Variants in SASS6 observed in about 807,000 individuals in gnomAD.
The protein encoded by SASS6 is SAS-6 centriolar assembly protein.
In SASS6, 59 loss-of-function variants were observed where a neutral mutation model predicts 94.9. The ratio of observed to expected loss-of-function variants is 0.62; its 90% CI spans 0.50 to 0.77. The LOEUF (loss-of-function observed/expected upper bound fraction) is 0.77. Ranked by LOEUF, SASS6 falls within the 30% of genes least tolerant of loss-of-function variation. The pLI, the probability that SASS6 is intolerant of heterozygous loss-of-function variation, is 0.00. For synonymous variants in SASS6, 264 were observed against 270.0 expected, an observed-to-expected ratio of 0.98 and a Z score of 0.22; for missense variants, 698 against 734.1, an observed-to-expected ratio of 0.95 and a Z score of 0.57.
intron 14 of SASS6, among the ~76,000 whole-genome samples, chr1:100,088,771 G>A (rs1346270522): frequency 4.6e-5 from 7 of 151,430 alleles, no homozygotes; most frequent in Non-Finnish European, 1.0e-4. Flanking sequence ...GGAGTTTGGG[G>A]TTACAGTGAG....
At position 100,119,151 on chromosome 1, in the gene SASS6, T is replaced by G. The variant is rs750061360; in HGVS notation, c.550-14A>C. On this transcript the variant is annotated splice_polypyrimidine_tract_variant and intron_variant, in intron 6 of 16. Transcript: ENST00000287482. ...TTCTGCTAATGTCTACATTAGAGTT[T>G]AACACAAAATATTAAGATAGGCTCC... The G allele has an allele frequency of 2.1e-6, 3 of 1,412,934 alleles. No individual in the cohort carries two copies. The highest frequency in any genetic ancestry group is 2.9e-6 in the Non-Finnish European group (3 of 1,032,244). 87.5% of individuals were successfully genotyped at this position (1,412,934 alleles called of 1,614,324 possible).
intron 2 of SASS6, among the ~76,000 whole-genome samples, chr1:100,125,085 T>C (rs374761102): frequency 2.6e-5 from 4 of 152,116 alleles, no homozygotes; most frequent in African/African-American, 7.2e-5. Context: ...ACTCACACTT[T>C]TGAAGGTTAT....
Position 100,107,806 on chromosome 1 carries a change from A to T in SASS6, c.1056+4T>A, listed in dbSNP as rs759920795. 6.3e-7 allele frequency: 1 copy of T among 1,593,952 alleles called. No individual in the cohort carries two copies. Among genetic ancestry groups the T allele is most frequent in the Non-Finnish European group, 8.6e-7 (1 of 1,165,588 alleles). ...CAATTTCTGAGAAAAATTTAAAAGTAGACCTTTTGTTCCTGGATTGTATCA... is the reference window on the plus strand; with the variant it reads ...CAATTTCTGAGAAAAATTTAAAAGTTGACCTTTTGTTCCTGGATTGTATCA... On this transcript the variant is annotated splice_donor_region_variant and intron_variant, in intron 9 of 16. Transcript: ENST00000287482.
chr1:100,095,277 C>T (rs1050039103), intron 14 of SASS6, among the ~76,000 whole-genome samples: 3 of 152,194 alleles, frequency 2.0e-5, no homozygotes, highest in Non-Finnish European at 4.4e-5. Flanking sequence ...CCTGTAATCC[C>T]AGCACTTTTT....
intron 14 of SASS6, among the ~76,000 whole-genome samples, chr1:100,088,835 TAAA>T (rs72345602): frequency 7.1e-5 from 6 of 83,932 alleles, no homozygotes; most frequent in Admixed American, 2.5e-4. Flanking sequence ...ACCCTGTCTA[TAAA>T]AAAAAAAAAA....
chr1:100,089,317 A>G (rs1041702107), intron 14 of SASS6, among the ~76,000 whole-genome samples: 1 of 152,108 alleles, frequency 6.6e-6, no homozygotes, highest in Non-Finnish European at 1.5e-5. Context: ...ACACCAAAAA[A>G]GAGAACAAAA....
chr1:100,132,917 C>A lies in SASS6; in HGVS notation c.-103G>T, dbSNP rs1356224333. The A allele has an allele frequency of 2.5e-6, 3 of 1,179,976 alleles. No homozygotes were observed. Among genetic ancestry groups the A allele is most frequent in the East Asian group, 2.3e-5 (1 of 42,708 alleles). The allele number at this position is 1,179,976 out of a possible 1,614,324, so 73.1% of individuals were successfully genotyped here. On this transcript the variant is annotated 5_prime_UTR_variant, in exon 1 of 17. Transcript: ENST00000287482. ...CCTGATAAAGTTTGAGTTTGGCGCTCGGCTTCTGCGGAGGAGGCGGGGAGG... is the reference window on the plus strand; with the variant it reads ...CCTGATAAAGTTTGAGTTTGGCGCTAGGCTTCTGCGGAGGAGGCGGGGAGG...
At chr1:100,090,319 C>T (rs1353384426) in intron 14 of SASS6, among the ~76,000 whole-genome samples, 1 of 151,900 alleles carries the variant, frequency 6.6e-6, no homozygotes, top group Non-Finnish European at 1.5e-5. Context: ...CATTTAAAGA[C>T]ACAGGCTGGA....
Position 100,116,110 on chromosome 1 carries a change from G to C in SASS6, c.669+2908C>G, listed in dbSNP as rs1653784137. ...ATTCAAATTAAAAAAACTATATACG[G>C]CAAAAGATGCTGGCAAATGACAGGC... On this transcript the variant is annotated intron_variant, in intron 7 of 16. Coordinates refer to ENST00000287482, the MANE Select transcript of SASS6 (RefSeq NM_194292.3). Among the ~76,000 whole-genome samples, 4 of 152,080 alleles carry C rather than the reference G, an allele frequency of 2.6e-5. No individual in the cohort carries two copies. In the South Asian group the frequency reaches 8.3e-4, roughly 32 times the overall value.
intron 14 of SASS6, among the ~76,000 whole-genome samples, chr1:100,096,193 G>C (rs1363505776): frequency 6.6e-6 from 1 of 152,150 alleles, no homozygotes; most frequent in Non-Finnish European, 1.5e-5. Flanking sequence ...GCACAGGATA[G>C]GCATAAAAAT....
intron 1 of SASS6, among the ~76,000 whole-genome samples, chr1:100,129,732 TTC>T (rs1557898008): frequency 6.6e-6 from 1 of 152,196 alleles, no homozygotes; most frequent in Non-Finnish European, 1.5e-5. Context: ...ATCAGGTATA[TTC>T]AGAAGGTAAC....
chr1:100,088,084 T>C (rs1651431281), intron 15 of SASS6, 55 bp downstream of exon 15: 2 of 913,588 alleles, frequency 2.2e-6, no homozygotes, highest in South Asian at 2.7e-5. Context: ...ATAAAAATTC[T>C]GTAAGATGGC....
At chr1:100,102,812 T>C in intron 14 of SASS6, 143 bp downstream of exon 14, 1 of 608,306 alleles carries the variant, frequency 1.6e-6, no homozygotes, top group African/African-American at 1.8e-5. Context: ...ATACTAGATA[T>C]TCAGTAATGT....
rs145407568 is a variant in SASS6, at chr1:100,122,412, T to C, written c.279A>G (p.Gln93=). The stretch of plus-strand genomic sequence containing the variant: ...TTTCTTTGGCATGTTCTTGAGTACA[T>C]TGCTGAAGGAGATCTATAAATTTTT... ...FPQKFIDLLQ[Q]CTQEHAKEIP... The change falls in exon 4 of 17, where the codon CAA becomes CAG. Residue 93 remains glutamine (Q), a synonymous_variant. Coordinates refer to ENST00000287482, the MANE Select transcript of SASS6 (RefSeq NM_194292.3). 5.0e-5 allele frequency: 79 copies of C among 1,568,898 alleles called. 2 individuals carry two copies. The South Asian group carries it at 7.9e-4, about 16-fold the overall frequency.
chr1:100,125,234 T>TGC (rs1654518377), intron 2 of SASS6, among the ~76,000 whole-genome samples: 1 of 151,720 alleles, frequency 6.6e-6, no homozygotes, highest in Non-Finnish European at 1.5e-5. Flanking sequence ...TGTGTGTGTG[T>TGC]GTGTGTGTGT....
rs1651072280 is a variant in SASS6 at position 100,084,311 on chromosome 1, T to G, written c.*1017A>C. 1 of 152,046 alleles carries G rather than the reference T, an allele frequency of 6.6e-6. No homozygotes were observed. The highest frequency in any genetic ancestry group is 2.4e-5 in the African/African-American group (1 of 41,444). 9.4% of individuals were successfully genotyped at this position (152,046 alleles called of 1,614,324 possible). A position where few individuals can be genotyped will look rare whatever the true frequency, so the allele number is the denominator to read the frequency against. On this transcript the variant is annotated 3_prime_UTR_variant, in exon 17 of 17. Coordinates refer to ENST00000287482, the MANE Select transcript of SASS6 (RefSeq NM_194292.3). The stretch of plus-strand genomic sequence containing the variant: ...TATAAAAATTGATCTAGAAGACTCT[T>G]TAGAGAATGCTACCAGGTATTGTTT...
chr1:100,093,842 A>C (rs2101644861), intron 14 of SASS6, among the ~76,000 whole-genome samples: 1 of 152,332 alleles, frequency 6.6e-6, no homozygotes, highest in South Asian at 2.1e-4. Flanking sequence ...TGTGAAATGC[A>C]GTTAAAGCAA....
Position 100,124,749 on chromosome 1 carries a change from G to A in SASS6, c.126+1133C>T, listed in dbSNP as rs1436024451. Among the ~76,000 whole-genome samples, 3 of 152,112 alleles carry A rather than the reference G, an allele frequency of 2.0e-5. No homozygotes were observed. The East Asian group carries it at 5.8e-4, about 29-fold the overall frequency. On this transcript the variant is annotated intron_variant, in intron 2 of 16. Transcript: ENST00000287482. ...CTTTTTGGCACTAGAAACCAGTTTT[G>A]TAGAAGACATTTTTCCAAGAATTAG...
intron 1 of SASS6, among the ~76,000 whole-genome samples, chr1:100,129,692 G>A (rs578256027): frequency 6.6e-6 from 1 of 152,180 alleles, no homozygotes; most frequent in Non-Finnish European, 1.5e-5. Context: ...GAGGCACAAG[G>A]AACAGCAGGG....
Sources: allele counts gnomAD v4.1 joint callset (sites outside exome capture counted in the v4.1 genomes callset), GRCh38; gene constraint gnomAD v4.1.1; transcripts MANE v1.5; gene names NCBI Gene and HGNC (gene_info 2026-07-23, HGNC 2026-07-21).